SLC7A2: variants seen among roughly 807,000 people sequenced by gnomAD.
The protein encoded by SLC7A2 is solute carrier family 7 member 2.
Under a neutral mutation model 58.9 loss-of-function variants are expected in SLC7A2, and 48 were observed. The ratio of observed to expected loss-of-function variants is 0.82; its 90% CI spans 0.65 to 1.04. The LOEUF (loss-of-function observed/expected upper bound fraction) is 1.04, where lower values mean the gene tolerates loss of function less well. Ranked by LOEUF, SLC7A2 falls within the 50% of genes least tolerant of loss-of-function variation. The probability of loss-of-function intolerance (pLI) is 0.00; values close to 1 mark genes in which losing one functional copy is unlikely to be tolerated. For synonymous variants in SLC7A2, 363 were observed against 314.5 expected (o/e 1.15, Z -1.63); for missense variants, 1,029 against 818.8 (o/e 1.26, Z -3.13).
intron 2 of SLC7A2, among the ~76,000 whole-genome samples, chr8:17,533,135 C>A (rs770875674): frequency 2.5e-4 from 38 of 152,156 alleles, no homozygotes; most frequent in Non-Finnish European, 4.9e-4. Flanking sequence ...TCTGAGCACA[C>A]AATGGGAGTA....
intron 2 of SLC7A2, among the ~76,000 whole-genome samples, chr8:17,532,890 T>G (rs572172103): frequency 6.6e-6 from 1 of 152,148 alleles, no homozygotes; most frequent in Admixed American, 6.5e-5. Context: ...CAACACTCAT[T>G]TTTTAATCTT....
rs1194361755 is a variant in SLC7A2 at position 17,520,744 on chromosome 8, C to G, written c.-23+18442C>G. ...AGGAGGAGATGGGAGATGAGAAGGA[C>G]CTTGAGAGGAATAAAAGGGTATCTG... On this transcript the variant is annotated intron_variant, in intron 2 of 12. Coordinates refer to ENST00000494857, the MANE Select transcript of SLC7A2 (RefSeq NM_001370338.1). 3 of 938,752 alleles carry G rather than the reference C, an allele frequency of 3.2e-6. No individual in the cohort carries two copies. The African/African-American group carries it at 5.4e-5, about 17-fold the overall frequency. The allele number at this position is 938,752 out of a possible 1,614,324, so 58.2% of individuals were successfully genotyped here.
At chr8:17,519,923 C>A (rs1396628021) in intron 2 of SLC7A2, among the ~76,000 whole-genome samples, 1 of 152,150 alleles carries the variant, frequency 6.6e-6, no homozygotes, top group African/African-American at 2.4e-5. Flanking sequence ...GGAATGGATT[C>A]ATTTTTGTTG....
chr8:17,501,936 A>G (rs1206870980), intron 1 of SLC7A2, among the ~76,000 whole-genome samples: 2 of 151,552 alleles, frequency 1.3e-5, no homozygotes, highest in East Asian at 3.9e-4. Context: ...ATATTTGGTG[A>G]ACAATACACA....
intron 4 of SLC7A2, among the ~76,000 whole-genome samples, chr8:17,546,597 A>G (rs886374169): frequency 1.3e-5 from 2 of 152,214 alleles, no homozygotes; most frequent in African/African-American, 4.8e-5. Flanking sequence ...TCTGAGGTAT[A>G]TAGCAGTGGT....
intron 11 of SLC7A2, among the ~76,000 whole-genome samples, chr8:17,563,353 C>T (rs1350324017): frequency 2.0e-5 from 3 of 152,118 alleles, no homozygotes; most frequent in Non-Finnish European, 2.9e-5. Flanking sequence ...CCAAAGAAAG[C>T]TAAATCCTAA....
intron 11 of SLC7A2, among the ~76,000 whole-genome samples, chr8:17,562,543 T>C (rs939122283): frequency 1.3e-5 from 2 of 152,080 alleles, no homozygotes; most frequent in African/African-American, 4.8e-5. Flanking sequence ...TTTGCTACAT[T>C]GGCCAGGCCA....
intron 8 of SLC7A2, among the ~76,000 whole-genome samples, chr8:17,557,480 C>T (rs1478701949): frequency 6.6e-6 from 1 of 152,088 alleles, no homozygotes; most frequent in East Asian, 1.9e-4. Flanking sequence ...TAGTCTGTTT[C>T]ATAAACATAA....
intron 2 of SLC7A2, among the ~76,000 whole-genome samples, chr8:17,529,385 T>C (rs1801346075): frequency 6.6e-6 from 1 of 151,954 alleles, no homozygotes; most frequent in Non-Finnish European, 1.5e-5. Context: ...TATTTAGAAG[T>C]GATGGTATAT....
At chr8:17,561,093 C>T (rs570047172) in intron 10 of SLC7A2, among the ~76,000 whole-genome samples, 2 of 152,090 alleles carry the variant, frequency 1.3e-5, no homozygotes, top group South Asian at 4.2e-4. Context: ...TAGGAGTTGC[C>T]CCTAGAGCAG....
At chr8:17,496,146 G>C (rs186276900), upstream of SLC7A2, among the ~76,000 whole-genome samples, 1,494 of 152,272 alleles carry the variant, frequency 9.8e-3, 14 homozygotes, top group Middle Eastern at 0.017. Flanking sequence ...AATAGTAATA[G>C]GCCGGGCATG....
chr8:17,529,827 A>T (rs931729812), intron 2 of SLC7A2, among the ~76,000 whole-genome samples: 37 of 152,130 alleles, frequency 2.4e-4, no homozygotes, highest in African/African-American at 7.9e-4. Flanking sequence ...GTGAGTCACC[A>T]CGCCTGGCCC....
At chr8:17,527,938 T>C (rs1322096364) in intron 2 of SLC7A2, among the ~76,000 whole-genome samples, 1 of 152,182 alleles carries the variant, frequency 6.6e-6, no homozygotes, top group African/African-American at 2.4e-5. Flanking sequence ...AGGATTTTTT[T>C]ATGTGACATA....
At chr8:17,512,339 G>T (rs938032779) in intron 2 of SLC7A2, among the ~76,000 whole-genome samples, 11 of 152,254 alleles carry the variant, frequency 7.2e-5, no homozygotes, top group Admixed American at 3.9e-4. Context: ...CTGAGGTCAG[G>T]AGTTTAAGAC....
chr8:17,562,150 C>A, intron 11 of SLC7A2, 40 bp downstream of exon 11: 4 of 1,105,782 alleles, frequency 3.6e-6, no homozygotes, highest in Non-Finnish European at 3.8e-6. Flanking sequence ...ATACTGTATT[C>A]ATTTTCTCTG....
intron 8 of SLC7A2, chr8:17,555,216 C>A (rs1802640324): frequency 1.3e-6 from 1 of 776,976 alleles, no homozygotes. Flanking sequence ...AATTAGTATA[C>A]AAGCATTGGG....
chr8:17,546,787 A>G (rs956305499), intron 4 of SLC7A2, among the ~76,000 whole-genome samples: 1 of 152,168 alleles, frequency 6.6e-6, no homozygotes, highest in African/African-American at 2.4e-5. Context: ...GGAACAAACA[A>G]CTAAATCTGT....
chr8:17,565,014 C>T lies in SLC7A2; in HGVS notation c.1845C>T (p.Asn615=), dbSNP rs754576823. 8.7e-6 allele frequency: 14 copies of T among 1,613,208 alleles called. No individual in the cohort carries two copies. Among genetic ancestry groups the T allele is most frequent in the Admixed American group, 6.7e-5 (4 of 59,880 alleles). The part of the protein sequence containing the change: ...HSLEGHLRDE[N]NEEDAYPDNV... ...TGGAGGGTCATCTGAGAGATGAAAA[C>T]AATGAAGAAGATGCTTATCCAGACA... Residue 615 remains asparagine, a synonymous_variant, in exon 13 of 13, where the codon AAC becomes AAT. Transcript: ENST00000494857.
chr8:17,548,178 G>C (rs117486644), intron 4 of SLC7A2, among the ~76,000 whole-genome samples: 1 of 151,926 alleles, frequency 6.6e-6, no homozygotes, highest in Non-Finnish European at 1.5e-5. Flanking sequence ...CCAACCCTAC[G>C]AAAAATACAA....
Sources: gnomAD v4.1 joint callset for allele counts (sites outside exome capture counted in the v4.1 genomes callset) on GRCh38, gnomAD v4.1.1 for gene constraint, MANE v1.5 for transcripts, NCBI Gene and HGNC (gene_info 2026-07-23, HGNC 2026-07-21) for gene names.